NCOA1: variants seen among roughly 807,000 people sequenced by gnomAD.
NCOA1 encodes the protein Hin-2 protein.
Under a neutral mutation model 150.9 loss-of-function variants are expected in NCOA1, and 35 were observed. That is an observed-to-expected ratio of 0.23 (90% confidence interval 0.18 to 0.31). NCOA1 has a LOEUF of 0.31. NCOA1 is among the 10% of genes least tolerant of loss of function. The pLI is 1.00. For synonymous variants in NCOA1, 590 were observed against 630.0 expected (o/e 0.94, Z 0.95); for missense variants, 1,491 against 1,749.3 (o/e 0.85, Z 2.63).
At chr2:24,668,835 A>G (rs1055642547) in intron 6 of NCOA1, among the ~76,000 whole-genome samples, 4 of 152,076 alleles carry the variant, frequency 2.6e-5, no homozygotes, top group Admixed American at 6.6e-5. Flanking sequence ...AGTATCTGCT[A>G]ACTGACTGAA....
At chr2:24,750,549 A>G (rs1664166269) in intron 19 of NCOA1, among the ~76,000 whole-genome samples, 1 of 152,248 alleles carries the variant, frequency 6.6e-6, no homozygotes, top group Admixed American at 6.5e-5. Context: ...CCTCAAAAAC[A>G]TTATGCTAAG....
chr2:24,625,978 A>G (rs1385823443), intron 3 of NCOA1, among the ~76,000 whole-genome samples: 1 of 152,202 alleles, frequency 6.6e-6, no homozygotes, highest in Non-Finnish European at 1.5e-5. Flanking sequence ...TGTATTCTAT[A>G]GTTGTTGGAT....
chr2:24,661,745 T>C (rs1376756643), intron 5 of NCOA1, among the ~76,000 whole-genome samples: 1 of 152,188 alleles, frequency 6.6e-6, no homozygotes, highest in African/African-American at 2.4e-5. Context: ...CAAGTTCCTG[T>C]ATATATAGGG....
At chr2:24,702,647 G>A (rs1673220413) in intron 11 of NCOA1, among the ~76,000 whole-genome samples, 1 of 152,122 alleles carries the variant, frequency 6.6e-6, no homozygotes, top group African/African-American at 2.4e-5. Context: ...AAGGTTCTTT[G>A]GAAGGATTCT....
intron 21 of NCOA1, 63 bp downstream of exon 21, chr2:24,758,219 G>A: frequency 1.4e-6 from 2 of 1,446,956 alleles, no homozygotes; most frequent in African/African-American, 1.4e-5. Context: ...AGGAAAATCA[G>A]GTATGTTGAC....
chr2:24,768,207 T>G lies in NCOA1; in HGVS notation c.4156-14T>G. ...GACCCTTCTGTCTAAACACATCTTT[T>G]ATTTGTGTTCCAGCAGGTGCAACAG... On this transcript the variant is annotated splice_polypyrimidine_tract_variant and intron_variant, in intron 22 of 22. Coordinates refer to ENST00000348332, the MANE Select transcript of NCOA1 (RefSeq NM_003743.5). The G allele has an allele frequency of 1.2e-6, 2 of 1,611,584 alleles. No individual in the cohort carries two copies. The highest frequency in any genetic ancestry group is 1.7e-6 in the Non-Finnish European group (2 of 1,177,942).
chr2:24,754,195 C>G (rs1042248577), intron 20 of NCOA1, among the ~76,000 whole-genome samples: 2 of 152,190 alleles, frequency 1.3e-5, no homozygotes, highest in African/African-American at 4.8e-5. Flanking sequence ...CCTGCTTCCA[C>G]CCTTGCTGCA....
intron 3 of NCOA1, among the ~76,000 whole-genome samples, chr2:24,592,578 A>ATT (rs145333073): frequency 1.5e-3 from 153 of 103,450 alleles, no homozygotes; most frequent in African/African-American, 4.8e-3. Context: ...TCCCCTCCTA[A>ATT]TTTTTTTTTT....
At chr2:24,684,383 G>C (rs1300489408) in intron 8 of NCOA1, among the ~76,000 whole-genome samples, 1 of 152,212 alleles carries the variant, frequency 6.6e-6, no homozygotes, top group African/African-American at 2.4e-5. Context: ...TCTGACTCCT[G>C]AAGAACGGGC....
intron 2 of NCOA1, among the ~76,000 whole-genome samples, chr2:24,582,932 G>A (rs1184450565): frequency 1.3e-5 from 2 of 152,112 alleles, no homozygotes; most frequent in Non-Finnish European, 2.9e-5. Flanking sequence ...ATCTCTCATC[G>A]TATACAAAAA....
At chr2:24,763,470 G>A (rs1161305661) in intron 22 of NCOA1, among the ~76,000 whole-genome samples, 3 of 149,644 alleles carry the variant, frequency 2.0e-5, no homozygotes, top group Non-Finnish European at 4.5e-5. Flanking sequence ...ACCCCGGGGG[G>A]CGGAGCCTGC....
Position 24,758,000 on chromosome 2 carries a change from G to A in NCOA1, c.3909G>A (p.Gln1303=). Residue 1303 remains glutamine (Q), a synonymous_variant, in exon 21 of 23, where the codon CAG becomes CAA. Transcript: ENST00000348332. ...TGTTCAGTCAAGCTGTCCAGAACCAGCCCACGCCTGCACAGCCAGGAGTAT... is the reference window on the plus strand; with the variant it reads ...TGTTCAGTCAAGCTGTCCAGAACCAACCCACGCCTGCACAGCCAGGAGTAT... ...NNVFSQAVQN[Q]PTPAQPGVYN... 2 of 1,613,992 alleles carry A rather than the reference G, an allele frequency of 1.2e-6. No individual in the cohort carries two copies.
intron 7 of NCOA1, among the ~76,000 whole-genome samples, chr2:24,682,408 G>A (rs1352923666): frequency 1.3e-5 from 2 of 152,084 alleles, no homozygotes; most frequent in Non-Finnish European, 2.9e-5. Context: ...TATACATAGA[G>A]GTTCTAACTT....
intron 1 of NCOA1, among the ~76,000 whole-genome samples, chr2:24,527,752 A>G (rs1355493981): frequency 6.6e-6 from 1 of 152,218 alleles, no homozygotes; most frequent in Non-Finnish European, 1.5e-5. Flanking sequence ...AACATTTTCC[A>G]TAATGGCTGC....
intron 1 of NCOA1, among the ~76,000 whole-genome samples, chr2:24,559,044 C>T (rs867358569): frequency 1.3e-5 from 2 of 152,268 alleles, no homozygotes. Context: ...TGAAAAACAA[C>T]TCGCAACTTT....
At chr2:24,654,140 GATTATT>G (rs1301381286) in intron 4 of NCOA1, among the ~76,000 whole-genome samples, 1 of 152,176 alleles carries the variant, frequency 6.6e-6, no homozygotes, top group African/African-American at 2.4e-5. Flanking sequence ...ACAATGGACT[GATTATT>G]TTTATTTTGT....
At chr2:24,537,646 GT>G (rs1203330921) in intron 1 of NCOA1, among the ~76,000 whole-genome samples, 1 of 151,966 alleles carries the variant, frequency 6.6e-6, no homozygotes, top group Admixed American at 6.6e-5. Flanking sequence ...GGATGAACAA[GT>G]TTAGATATCT....
chr2:24,511,988 ATAT>A (rs1261356837), intron 1 of NCOA1, among the ~76,000 whole-genome samples: 2 of 152,134 alleles, frequency 1.3e-5, no homozygotes, highest in Non-Finnish European at 2.9e-5. Context: ...TTGCTTGATA[ATAT>A]TTTAATCACT....
At chr2:24,538,566 T>C (rs1665261406) in intron 1 of NCOA1, among the ~76,000 whole-genome samples, 1 of 152,224 alleles carries the variant, frequency 6.6e-6, no homozygotes, top group Non-Finnish European at 1.5e-5. Context: ...GATGTTCTCT[T>C]AAAATCTTTT....
Sources: allele counts gnomAD v4.1 joint callset (sites outside exome capture counted in the v4.1 genomes callset), GRCh38; gene constraint gnomAD v4.1.1; transcripts MANE v1.5; gene names NCBI Gene and HGNC (gene_info 2026-07-23, HGNC 2026-07-21).